The following NCKAP5 variants were observed in gnomAD, a reference collection of about 807,000 sequenced individuals.
NCKAP5 encodes the protein NCK associated protein 5.
NCKAP5 carries 92 observed loss-of-function variants against 167.0 expected under a neutral mutation model. That is an observed-to-expected ratio of 0.55 (90% CI 0.47 to 0.66). The LOEUF is 0.66. Among genes scored for constraint, NCKAP5 ranks in the 30% least tolerant of loss-of-function variants. The pLI is 0.00. For synonymous variants in NCKAP5, 891 were observed against 877.4 expected (o/e 1.02, Z -0.27); for missense variants, 2,378 against 2,315.0 (o/e 1.03, Z -0.56).
intron 3 of NCKAP5, among the ~76,000 whole-genome samples, chr2:133,455,604 A>T (rs1164517372): frequency 6.6e-6 from 1 of 152,052 alleles, no homozygotes; most frequent in Non-Finnish European, 1.5e-5. Flanking sequence ...TGCTCATTCA[A>T]ATTATGATCA....
intron 3 of NCKAP5, among the ~76,000 whole-genome samples, chr2:133,351,646 C>T (rs1423557838): frequency 6.6e-6 from 1 of 152,132 alleles, no homozygotes; most frequent in African/African-American, 2.4e-5. Context: ...TGCTCTTCAC[C>T]TGGCATGGCT....
chr2:132,757,011 G>C (rs1242677759), intron 16 of NCKAP5, among the ~76,000 whole-genome samples: 1 of 152,124 alleles, frequency 6.6e-6, no homozygotes, highest in African/African-American at 2.4e-5. Context: ...CCAGAGTATA[G>C]GTTTTAGCTA....
At chr2:132,779,928 T>G (rs957455534) in intron 15 of NCKAP5, among the ~76,000 whole-genome samples, 9 of 152,178 alleles carry the variant, frequency 5.9e-5, no homozygotes, top group Non-Finnish European at 1.3e-4. Flanking sequence ...ATAATCTCTT[T>G]ATTAGAGTAC....
At chr2:132,848,754 T>G (rs558945161) in intron 11 of NCKAP5, among the ~76,000 whole-genome samples, 1 of 152,214 alleles carries the variant, frequency 6.6e-6, no homozygotes, top group East Asian at 1.9e-4. Context: ...GCCTAGGAGT[T>G]TGAGTCTGTG....
At chr2:132,846,207 T>C (rs1184797860) in intron 11 of NCKAP5, among the ~76,000 whole-genome samples, 1 of 152,250 alleles carries the variant, frequency 6.6e-6, no homozygotes, top group Non-Finnish European at 1.5e-5. Context: ...AAAACCTTCT[T>C]ATTCATCAGT....
At chr2:132,827,838 T>C (rs1176280444) in intron 11 of NCKAP5, among the ~76,000 whole-genome samples, 1 of 152,178 alleles carries the variant, frequency 6.6e-6, no homozygotes, top group Non-Finnish European at 1.5e-5. Flanking sequence ...TTTAAATGTA[T>C]TTCAGCTGAG....
At chr2:133,466,297 T>A (rs1214977015) in intron 3 of NCKAP5, among the ~76,000 whole-genome samples, 3 of 148,456 alleles carry the variant, frequency 2.0e-5, no homozygotes, top group Non-Finnish European at 4.5e-5. Flanking sequence ...TTTTCTCAGG[T>A]TTGTCAAAGA....
chr2:133,252,100 T>G (rs762735299), intron 4 of NCKAP5, among the ~76,000 whole-genome samples: 6 of 152,210 alleles, frequency 3.9e-5, no homozygotes, highest in Non-Finnish European at 7.3e-5. Flanking sequence ...GCTCAGTGAG[T>G]TAAAAGTGTC....
chr2:133,359,704 C>T (rs1377169514), intron 3 of NCKAP5, among the ~76,000 whole-genome samples: 3 of 152,176 alleles, frequency 2.0e-5, no homozygotes, highest in African/African-American at 7.2e-5. Context: ...ACCAGCTGAA[C>T]TCTTGCCTGA....
chr2:132,758,533 A>C (rs1680741823), intron 16 of NCKAP5, among the ~76,000 whole-genome samples: 1 of 152,238 alleles, frequency 6.6e-6, no homozygotes, highest in Non-Finnish European at 1.5e-5. Flanking sequence ...GTGGGAGAAC[A>C]GAGGAAAAAA....
chr2:133,609,881 A>C, the NCKAP5 span, among the ~76,000 whole-genome samples: 1 of 152,170 alleles, frequency 6.6e-6, no homozygotes, highest in Non-Finnish European at 1.5e-5. Context: ...CAGCAATAAT[A>C]AGTAAGGCAA....
chr2:133,547,036 T>C (rs34708170), intron 2 of NCKAP5, among the ~76,000 whole-genome samples: 43,021 of 152,000 alleles, frequency 0.28, 6,522 homozygotes, highest in East Asian at 0.38. Flanking sequence ...GTGCGCGAGC[T>C]GAAGCAGGGC....
chr2:133,172,134 T>C (rs2084275208), intron 5 of NCKAP5, among the ~76,000 whole-genome samples: 1 of 152,188 alleles, frequency 6.6e-6, no homozygotes, highest in Admixed American at 6.5e-5. Flanking sequence ...AAGCCAAAAA[T>C]GTAGATAACC....
At chr2:133,556,792 G>A (rs1428057243) in intron 2 of NCKAP5, 3 of 152,148 alleles carry the variant, frequency 2.0e-5, no homozygotes, top group East Asian at 1.9e-4. Context: ...TATGACAGAC[G>A]TTTGGGTATG....
At chr2:133,670,113 C>A in the NCKAP5 span, among the ~76,000 whole-genome samples, 5 of 152,182 alleles carry the variant, frequency 3.3e-5, no homozygotes, top group Non-Finnish European at 2.9e-5. Context: ...TATGGCTCTA[C>A]CCCTTACCAG....
chr2:133,184,638 G>A (rs1375572494), intron 5 of NCKAP5, among the ~76,000 whole-genome samples: 1 of 152,046 alleles, frequency 6.6e-6, no homozygotes, highest in Non-Finnish European at 1.5e-5. Context: ...GTTATTTTTT[G>A]ACTTTTAAAT....
intron 3 of NCKAP5, among the ~76,000 whole-genome samples, chr2:133,512,614 T>C (rs1435306809): frequency 6.6e-6 from 1 of 152,228 alleles, no homozygotes; most frequent in Non-Finnish European, 1.5e-5. Flanking sequence ...AAGAGTTTGC[T>C]GATTCCTGCT....
intron 6 of NCKAP5, among the ~76,000 whole-genome samples, chr2:133,032,851 A>G (rs1429942472): frequency 6.6e-6 from 1 of 152,142 alleles, no homozygotes; most frequent in Non-Finnish European, 1.5e-5. Flanking sequence ...GGAAGCAAGC[A>G]CCTTCTTCAC....
chr2:132,913,290 T>C (rs1558934104), intron 8 of NCKAP5, among the ~76,000 whole-genome samples: 1 of 152,074 alleles, frequency 6.6e-6, no homozygotes, highest in Non-Finnish European at 1.5e-5. Flanking sequence ...ATAAATAACA[T>C]AAACACAGAT....
Sources: gnomAD v4.1 joint callset for allele counts (sites outside exome capture counted in the v4.1 genomes callset) on GRCh38, gnomAD v4.1.1 for gene constraint, MANE v1.5 for transcripts, NCBI Gene and HGNC (gene_info 2026-07-23, HGNC 2026-07-21) for gene names.